MME: variants seen among roughly 807,000 people sequenced by gnomAD.
MME encodes the protein neprilysin.
A neutral mutation model predicts 113.2 loss-of-function variants in MME; 98 were observed. The ratio of observed to expected loss-of-function variants is 0.87; its 90% CI spans 0.74 to 1.02. The LOEUF is 1.02. Among genes scored for constraint, MME ranks in the 50% least tolerant of loss-of-function variants. The probability of loss-of-function intolerance (pLI) is 0.00; values close to 1 mark genes in which losing one functional copy is unlikely to be tolerated. For synonymous variants in MME, 292 were observed against 300.6 expected, an observed-to-expected ratio of 0.97 and a Z score of 0.30; for missense variants, 836 against 896.0, an observed-to-expected ratio of 0.93 and a Z score of 0.86.
At chr3:155,139,782 C>T (rs1720916698) in intron 9 of MME, among the ~76,000 whole-genome samples, 1 of 152,082 alleles carries the variant, frequency 6.6e-6, no homozygotes, top group African/African-American at 2.4e-5. Flanking sequence ...TTAACTAGGA[C>T]ACCGAATGGT....
chr3:155,119,410 CTTTT>C (rs781633297), intron 8 of MME, among the ~76,000 whole-genome samples: 3 of 112,294 alleles, frequency 2.7e-5, no homozygotes, highest in African/African-American at 9.6e-5. Flanking sequence ...TTCACGTGCT[CTTTT>C]TTTTTTTTTT....
intron 3 of MME, among the ~76,000 whole-genome samples, chr3:155,106,592 G>A (rs80225103): frequency 0.014 from 2,178 of 152,160 alleles, 50 homozygotes; most frequent in African/African-American, 0.05. Context: ...TTTGTGACCC[G>A]TTGTGATTAC....
intron 1 of MME, among the ~76,000 whole-genome samples, chr3:155,030,126 A>G (rs939934392): frequency 1.1e-4 from 16 of 152,180 alleles, no homozygotes; most frequent in Non-Finnish European, 2.9e-5. Flanking sequence ...TTATTTGTTC[A>G]GACAAAAAAG....
chr3:155,055,013 C>T (rs1713879584), intron 1 of MME, among the ~76,000 whole-genome samples: 1 of 152,146 alleles, frequency 6.6e-6, no homozygotes. Flanking sequence ...GAGCATCTAT[C>T]TATATGTATG....
chr3:155,118,882 G>A, intron 8 of MME, 71 bp downstream of exon 8: 1 of 1,020,244 alleles, frequency 9.8e-7, no homozygotes, highest in Non-Finnish European at 1.5e-6. Context: ...TAATGAAAAA[G>A]ATAAAGCCAA....
chr3:155,124,479 G>C (rs1183633440), intron 8 of MME, among the ~76,000 whole-genome samples: 1 of 152,164 alleles, frequency 6.6e-6, no homozygotes, highest in Non-Finnish European at 1.5e-5. Context: ...CGTTCCTTTG[G>C]AGGAGGAGAG....
intron 3 of MME, among the ~76,000 whole-genome samples, chr3:155,109,224 T>G (rs1717959637): frequency 6.6e-6 from 1 of 151,908 alleles, no homozygotes; most frequent in Non-Finnish European, 1.5e-5. Context: ...GGGGTGAAAT[T>G]CAAGAGACCT....
At chr3:155,179,388 A>C (rs1033705536) in intron 22 of MME, among the ~76,000 whole-genome samples, 2 of 152,128 alleles carry the variant, frequency 1.3e-5, no homozygotes, top group Non-Finnish European at 2.9e-5. Flanking sequence ...ATGGAATCTG[A>C]TTTAAATTTT....
intron 17 of MME, among the ~76,000 whole-genome samples, chr3:155,164,303 G>A (rs924885357): frequency 6.6e-6 from 1 of 152,120 alleles, no homozygotes; most frequent in African/African-American, 2.4e-5. Context: ...AGGGGGAAGA[G>A]GAGACATGGT....
At chr3:155,064,980 T>C (rs1423200371) in intron 1 of MME, among the ~76,000 whole-genome samples, 1 of 152,220 alleles carries the variant, frequency 6.6e-6, no homozygotes, top group Non-Finnish European at 1.5e-5. Flanking sequence ...TCTGTTTCTG[T>C]GTGTCTTCTC....
intron 1 of MME, among the ~76,000 whole-genome samples, chr3:155,047,193 C>A (rs919854657): frequency 6.6e-6 from 1 of 152,116 alleles, no homozygotes; most frequent in South Asian, 2.1e-4. Context: ...TCCTTTATAC[C>A]ATATTTTCAC....
chr3:155,078,356 C>T (rs937724954), upstream of MME, among the ~76,000 whole-genome samples: 5 of 152,070 alleles, frequency 3.3e-5, no homozygotes, highest in East Asian at 1.9e-4. Context: ...ACAGAGAAAG[C>T]GTAAATAGAC....
chr3:155,079,248 A>G (rs923653726), upstream of MME, among the ~76,000 whole-genome samples: 3 of 151,992 alleles, frequency 2.0e-5, no homozygotes, highest in Non-Finnish European at 4.4e-5. Context: ...TAAATGAAGA[A>G]GGAAGGAAGC....
At chr3:155,171,734 G>A (rs1014017946) in intron 20 of MME, among the ~76,000 whole-genome samples, 1 of 152,166 alleles carries the variant, frequency 6.6e-6, no homozygotes, top group African/African-American at 2.4e-5. Flanking sequence ...TAGTAACTAA[G>A]TTAAATGTAG....
chr3:155,172,475 A>G (rs1712085779), intron 21 of MME, 61 bp from the exon 22 acceptor site: 1 of 1,362,284 alleles, frequency 7.3e-7, no homozygotes, highest in Admixed American at 1.7e-5. Context: ...CAACTTGCTC[A>G]AACAAATAAT....
intron 8 of MME, among the ~76,000 whole-genome samples, chr3:155,127,945 A>C (rs562227101): frequency 2.4e-5 from 2 of 83,352 alleles, no homozygotes; most frequent in Admixed American, 2.6e-4. Context: ...AGTTATTCTC[A>C]GCTTAATTAG....
In MME at chr3:155,126,169, G is replaced by A. The variant is rs1335947707; in HGVS notation, c.720+7358G>A. On this transcript the variant is annotated intron_variant, in intron 8 of 22. Transcript: ENST00000360490. ...TCAGTACAATCTAGTTGCTGTGTGG[G>A]GTACAGCTACTGGCTTTAAGAGCAA... Among the ~76,000 whole-genome samples, 21 of 152,006 alleles carry A rather than the reference G, an allele frequency of 1.4e-4. 1 individual carries two copies. The highest frequency in any genetic ancestry group is 1.4e-3 in the Admixed American group (21 of 15,254).
At chr3:155,158,843 G>T (rs1576657251) in intron 16 of MME, 1 of 151,980 alleles carries the variant, frequency 6.6e-6, no homozygotes, top group East Asian at 1.9e-4. Context: ...CGGCTGTAAT[G>T]AAATTAAGGA....
At chr3:155,061,440 G>A (rs1714142621) in intron 1 of MME, among the ~76,000 whole-genome samples, 1 of 141,156 alleles carries the variant, frequency 7.1e-6, no homozygotes, top group South Asian at 2.3e-4. Flanking sequence ...GACAGAGCGA[G>A]GCTCCATCTC....
Sources: gnomAD v4.1 joint callset for allele counts (sites outside exome capture counted in the v4.1 genomes callset) on GRCh38, gnomAD v4.1.1 for gene constraint, MANE v1.5 for transcripts, NCBI Gene and HGNC (gene_info 2026-07-23, HGNC 2026-07-21) for gene names.